Variants in ANKRD11 observed in about 807,000 individuals in gnomAD.
ANKRD11 encodes ankyrin repeat domain-containing protein 11.
Under a neutral mutation model 195.7 loss-of-function variants are expected in ANKRD11, and 17 were observed. The ratio of observed to expected loss-of-function variants is 0.09; its 90% CI spans 0.06 to 0.13. The LOEUF (loss-of-function observed/expected upper bound fraction) is 0.13, where lower values mean the gene tolerates loss of function less well. Ranked by LOEUF, ANKRD11 falls within the 10% of genes least tolerant of loss-of-function variation. The probability of loss-of-function intolerance (pLI) is 1.00; values close to 1 mark genes in which losing one functional copy is unlikely to be tolerated. For missense variants in ANKRD11, 3,735 were observed against 3,566.1 expected, an observed-to-expected ratio of 1.05 and a Z score of -1.21; for synonymous variants, 1,953 against 1,528.1, an observed-to-expected ratio of 1.28 and a Z score of -6.49.
intron 2 of ANKRD11, among the ~76,000 whole-genome samples, chr16:89,415,173 C>G (rs916760383): frequency 1.3e-5 from 2 of 151,402 alleles, no homozygotes; most frequent in African/African-American, 2.4e-5. Flanking sequence ...AGGCTGGTCT[C>G]GCACTCCTGA....
intron 3 of ANKRD11, among the ~76,000 whole-genome samples, chr16:89,308,958 G>A (rs771755565): frequency 9.9e-5 from 15 of 152,170 alleles, no homozygotes; most frequent in East Asian, 3.9e-4. Flanking sequence ...CAACCAAGGT[G>A]GGAACATCTG....
chr16:89,315,461 C>T lies in ANKRD11; in HGVS notation c.87+1472G>A, dbSNP rs145703888. On this transcript the variant is annotated intron_variant, in intron 3 of 12. Coordinates refer to ENST00000301030, the MANE Select transcript of ANKRD11 (RefSeq NM_013275.6). ...GCCGCACATCAGCACCCTGACCACC[C>T]ACCTCCTCAGGAGCTCAGCAGGACA... Among the ~76,000 whole-genome samples, 23 of 152,326 alleles carry T rather than the reference C, an allele frequency of 1.5e-4. No homozygotes were observed. In the East Asian group the frequency reaches 2.9e-3, roughly 19 times the overall value.
At chr16:89,272,533 C>G (rs1204453126) in intron 11 of ANKRD11, 2 of 152,208 alleles carry the variant, frequency 1.3e-5, no homozygotes, top group Non-Finnish European at 2.9e-5. Flanking sequence ...GAAACCCCAT[C>G]TCTACTAAAA....
At chr16:89,378,646 TG>T (rs2040519686) in intron 2 of ANKRD11, among the ~76,000 whole-genome samples, 1 of 152,188 alleles carries the variant, frequency 6.6e-6, no homozygotes, top group African/African-American at 2.4e-5. Context: ...TTGAAGACAC[TG>T]GTGTACACAA....
intron 1 of ANKRD11, among the ~76,000 whole-genome samples, chr16:89,440,472 T>C (rs1439739640): frequency 6.6e-6 from 1 of 151,964 alleles, no homozygotes; most frequent in Non-Finnish European, 1.5e-5. Context: ...AAAACTTAGC[T>C]GGGCATGGAG....
chr16:89,478,810 C>A (rs1015018739), intron 1 of ANKRD11, among the ~76,000 whole-genome samples: 17 of 152,228 alleles, frequency 1.1e-4, no homozygotes, highest in African/African-American at 4.1e-4. Context: ...CAAAGAACCA[C>A]ACCTCCAAAG....
Position 89,283,238 on chromosome 16 carries a change from T to C in ANKRD11, c.3304A>G (p.Lys1102Glu). 1 of 1,614,232 alleles carries C rather than the reference T, an allele frequency of 6.2e-7. No individual in the cohort carries two copies. Among genetic ancestry groups the C allele is most frequent in the Non-Finnish European group, 8.5e-7 (1 of 1,180,054 alleles). The change falls in exon 9 of 13, where the codon AAA becomes GAA. Residue 1102 changes from lysine (K) to glutamate (E), a missense_variant. Coordinates refer to ENST00000301030, the MANE Select transcript of ANKRD11 (RefSeq NM_013275.6). The surrounding 1 kb of genome is among the most constrained non-coding windows in gnomAD (Gnocchi z 4.3). The part of the protein sequence containing the change: ...PGIISEDFSE[K>E]KDDKKGKEKS... ...TCTTTGCCTTTCTTGTCATCTTTTT[T>C]TTCAGAGAAGTCTTCTGAGATGATC...
chr16:89,410,226 G>T (rs1265430358), intron 2 of ANKRD11, among the ~76,000 whole-genome samples: 1 of 152,124 alleles, frequency 6.6e-6, no homozygotes, highest in Admixed American at 6.6e-5. Flanking sequence ...CAACCCGGTG[G>T]GTACGGCCCT....
At chr16:89,408,529 T>G (rs2041997371) in intron 2 of ANKRD11, among the ~76,000 whole-genome samples, 1 of 152,194 alleles carries the variant, frequency 6.6e-6, no homozygotes, top group Admixed American at 6.5e-5. Flanking sequence ...GCCAGCTGCA[T>G]CTGGCAGGAG....
chr16:89,453,980 A>G (rs754791926), intron 1 of ANKRD11, among the ~76,000 whole-genome samples: 1 of 152,182 alleles, frequency 6.6e-6, no homozygotes, highest in Non-Finnish European at 1.5e-5. Context: ...GCACCTCGGG[A>G]GTTCCCAAGA....
At chr16:89,390,472 GA>G (rs1232573859) in intron 2 of ANKRD11, among the ~76,000 whole-genome samples, 1 of 152,084 alleles carries the variant, frequency 6.6e-6, no homozygotes, top group Non-Finnish European at 1.5e-5. Context: ...GTGGAGGGCA[GA>G]AAAAAATACG....
intron 2 of ANKRD11, among the ~76,000 whole-genome samples, chr16:89,382,414 C>T (rs919042015): frequency 1.3e-5 from 2 of 152,266 alleles, no homozygotes; most frequent in Admixed American, 6.5e-5. Context: ...CCACCTCCGC[C>T]TCCCAGGTTC....
At chr16:89,273,887 G>A (rs1597406781) in intron 11 of ANKRD11, among the ~76,000 whole-genome samples, 1 of 152,084 alleles carries the variant, frequency 6.6e-6, no homozygotes, top group South Asian at 2.1e-4. Flanking sequence ...TGGCGTCAAG[G>A]GGGGCACATA....
rs111737495 is a variant in ANKRD11 at position 89,282,965 on chromosome 16, C to T, written c.3577G>A (p.Ala1193Thr). The T allele has an allele frequency of 2.5e-5, 40 of 1,613,498 alleles. 1 individual carries two copies. Among genetic ancestry groups the T allele is most frequent in the Admixed American group, 3.3e-5 (2 of 59,994 alleles). ...DRRKDRGAADAGRDKKEKVFE... is the reference protein window; with the variant it reads ...DRRKDRGAADTGRDKKEKVFE... ...ACTTTCTCTTTTTTGTCTCTCCCCG[C>T]GTCGGCAGCCCCTCGGTCCTTTCTC... The change falls in exon 9 of 13, where the codon GCG (alanine) becomes ACG (threonine). Residue 1193 changes from alanine (A) to threonine (T), a missense_variant. Coordinates refer to ENST00000301030, the MANE Select transcript of ANKRD11 (RefSeq NM_013275.6).
In ANKRD11 at chr16:89,285,909, C is replaced by T; in HGVS notation, c.892+130G>A. On this transcript the variant is annotated intron_variant, in intron 8 of 12. Coordinates refer to ENST00000301030, the MANE Select transcript of ANKRD11 (RefSeq NM_013275.6). The surrounding 1 kb of genome is among the most constrained non-coding windows in gnomAD (Gnocchi z 5.6). ...ACACCTGGGCGGGGTCTCCCGCAGT[C>T]CAGAAGCTCCTGTAAGCCCCCAGCA... 1 of 1,468,772 alleles carries T rather than the reference C, an allele frequency of 6.8e-7. No individual in the cohort carries two copies. Among genetic ancestry groups the T allele is most frequent in the South Asian group, 1.2e-5 (1 of 86,462 alleles). The allele number at this position is 1,468,772 out of a possible 1,614,324, so 91.0% of individuals were successfully genotyped here.
At chr16:89,351,221 C>A (rs998054103) in intron 2 of ANKRD11, among the ~76,000 whole-genome samples, 1 of 152,146 alleles carries the variant, frequency 6.6e-6, no homozygotes, top group East Asian at 1.9e-4. Context: ...TGGGCATGGG[C>A]GAGGGGTTCC....
chr16:89,397,861 A>G (rs960837852), intron 2 of ANKRD11, among the ~76,000 whole-genome samples: 1 of 152,234 alleles, frequency 6.6e-6, no homozygotes, highest in Non-Finnish European at 1.5e-5. Context: ...CCACCAGCAC[A>G]CAAACCTTCG....
intron 2 of ANKRD11, among the ~76,000 whole-genome samples, chr16:89,319,710 G>A (rs1342947529): frequency 6.6e-6 from 1 of 152,266 alleles, no homozygotes; most frequent in Non-Finnish European, 1.5e-5. Context: ...GGATGTGGAT[G>A]AAGCTGGTTT....
chr16:89,413,628 GA>G (rs1324742290), intron 2 of ANKRD11, among the ~76,000 whole-genome samples: 2 of 151,862 alleles, frequency 1.3e-5, no homozygotes, highest in East Asian at 3.9e-4. Context: ...CTCAAAAAAA[GA>G]AAAAAATAAA....
Sources: allele counts gnomAD v4.1 joint callset (sites outside exome capture counted in the v4.1 genomes callset), GRCh38; gene constraint gnomAD v4.1.1; non-coding constraint Gnocchi (gnomAD v3.1); transcripts MANE v1.5; gene names NCBI Gene and HGNC (gene_info 2026-07-23, HGNC 2026-07-21).